CRB1: variants seen among roughly 807,000 people sequenced by gnomAD.
The protein encoded by CRB1 is protein crumbs homolog 1.
CRB1 carries 83 observed loss-of-function variants against 120.0 expected under a neutral mutation model. The ratio of observed to expected loss-of-function variants is 0.69; its 90% CI spans 0.58 to 0.83. The LOEUF (loss-of-function observed/expected upper bound fraction) is 0.83, where lower values mean the gene tolerates loss of function less well. CRB1 is among the 40% of genes least tolerant of loss of function. The pLI, the probability that CRB1 is intolerant of heterozygous loss-of-function variation, is 0.00. For synonymous variants in CRB1, 625 were observed against 612.5 expected, an observed-to-expected ratio of 1.02 and a Z score of -0.30; for missense variants, 1,699 against 1,687.6, an observed-to-expected ratio of 1.01 and a Z score of -0.12.
At chr1:197,398,450 T>C (rs1662886453) in intron 5 of CRB1, among the ~76,000 whole-genome samples, 1 of 151,914 alleles carries the variant, frequency 6.6e-6, no homozygotes. Flanking sequence ...GGAAGGCGGG[T>C]AGGTTGGGAG....
chr1:197,271,896 C>G (rs369452683), intron 1 of CRB1, among the ~76,000 whole-genome samples: 1 of 151,978 alleles, frequency 6.6e-6, no homozygotes, highest in East Asian at 1.9e-4. Flanking sequence ...CTGTTTTAAT[C>G]TACGTTTAAA....
At chr1:197,455,651 A>G (rs1369353588) in intron 11 of CRB1, among the ~76,000 whole-genome samples, 1 of 152,172 alleles carries the variant, frequency 6.6e-6, no homozygotes, top group African/African-American at 2.4e-5. Context: ...TACTATCTGA[A>G]CAATTTTAAA....
chr1:197,226,572 G>A, the CRB1 span, among the ~76,000 whole-genome samples: 1 of 152,034 alleles, frequency 6.6e-6, no homozygotes, highest in South Asian at 2.1e-4. Flanking sequence ...AGGAGGTCAG[G>A]CCTCTGGGCA....
At chr1:197,248,028 C>T in the CRB1 span, among the ~76,000 whole-genome samples, 2 of 151,844 alleles carry the variant, frequency 1.3e-5, no homozygotes, top group Admixed American at 1.3e-4. Context: ...TATTGTGAAA[C>T]TAAAATGATT....
At chr1:197,322,398 G>A (rs1658250911) in intron 1 of CRB1, among the ~76,000 whole-genome samples, 1 of 151,812 alleles carries the variant, frequency 6.6e-6, no homozygotes, top group Non-Finnish European at 1.5e-5. Context: ...AGGAGGCAGA[G>A]GTTGCAGTGA....
rs1656305930 is a variant in CRB1 at position 197,293,267 on chromosome 1, AACAG to A, written c.70+24789_70+24792del. 4.6e-5 allele frequency among the ~76,000 whole-genome samples: 7 copies of A among 152,236 alleles called. No homozygotes were observed. The South Asian group carries it at 1.5e-3, about 32-fold the overall frequency. ...ATCACAAGCATTCTTATACACCAATAACAGACAAACAGAGAGCCAAATCATGAGT... is the reference window on the plus strand; with the variant it reads ...ATCACAAGCATTCTTATACACCAATAACAAACAGAGAGCCAAATCATGAGT... On this transcript the variant is annotated intron_variant, in intron 1 of 11. Transcript: ENST00000367400.
chr1:197,358,419 C>T (rs2125357236), intron 5 of CRB1, among the ~76,000 whole-genome samples: 1 of 152,106 alleles, frequency 6.6e-6, no homozygotes, highest in African/African-American at 2.4e-5. Flanking sequence ...ATGGGTGACC[C>T]CTTGAATCTG....
the CRB1 span, among the ~76,000 whole-genome samples, chr1:197,213,067 AAAT>A: frequency 6.6e-6 from 1 of 152,192 alleles, no homozygotes; most frequent in Non-Finnish European, 1.5e-5. Context: ...ACAAACTTCT[AAAT>A]AACAGTAAAA....
chr1:197,251,901 T>C, the CRB1 span, among the ~76,000 whole-genome samples: 1 of 152,074 alleles, frequency 6.6e-6, no homozygotes, highest in African/African-American at 2.4e-5. Context: ...CTTGTAGTTA[T>C]ATTTTTCCTT....
At chr1:197,320,633 A>G (rs1658134616) in intron 1 of CRB1, among the ~76,000 whole-genome samples, 1 of 152,194 alleles carries the variant, frequency 6.6e-6, no homozygotes, top group South Asian at 2.1e-4. Context: ...GCTTAAATTT[A>G]GTTAAGTAGT....
intron 11 of CRB1, among the ~76,000 whole-genome samples, chr1:197,462,638 A>T (rs1176244143): frequency 2.6e-5 from 4 of 152,178 alleles, no homozygotes; most frequent in African/African-American, 9.6e-5. Context: ...CAAGAGGATT[A>T]GCTGCCTTTT....
intron 5 of CRB1, among the ~76,000 whole-genome samples, chr1:197,369,123 T>A (rs1203339970): frequency 3.9e-5 from 6 of 152,160 alleles, no homozygotes; most frequent in Non-Finnish European, 8.8e-5. Flanking sequence ...TGTTTACTAC[T>A]CATGAGGATG....
chr1:197,349,324 TG>T (rs1659955310), intron 4 of CRB1, among the ~76,000 whole-genome samples: 1 of 152,246 alleles, frequency 6.6e-6, no homozygotes, highest in Admixed American at 6.5e-5. Flanking sequence ...AATTGTGTAA[TG>T]ACTTACTTCT....
At chr1:197,326,163 TG>T (rs1443252965) in intron 1 of CRB1, among the ~76,000 whole-genome samples, 2 of 152,204 alleles carry the variant, frequency 1.3e-5, no homozygotes, top group Non-Finnish European at 2.9e-5. Flanking sequence ...GCTATGGCTT[TG>T]ACAGTTAATA....
At chr1:197,476,477 T>C (rs1253671829) in intron 11 of CRB1, among the ~76,000 whole-genome samples, 1 of 152,034 alleles carries the variant, frequency 6.6e-6, no homozygotes, top group African/African-American at 2.4e-5. Context: ...TTTCATTTCC[T>C]AGCTCAGTAA....
At chr1:197,248,518 C>T in the CRB1 span, among the ~76,000 whole-genome samples, 1 of 151,952 alleles carries the variant, frequency 6.6e-6, no homozygotes, top group Admixed American at 6.6e-5. Flanking sequence ...TACAGAAAAA[C>T]AACTAAAGAA....
At chr1:197,473,878 T>C (rs1387525878) in intron 11 of CRB1, among the ~76,000 whole-genome samples, 1 of 151,008 alleles carries the variant, frequency 6.6e-6, no homozygotes, top group Non-Finnish European at 1.5e-5. Flanking sequence ...CTTTCAACCA[T>C]GGGAATTTAA....
intron 2 of CRB1, among the ~76,000 whole-genome samples, chr1:197,342,379 T>C (rs1178874303): frequency 1.3e-5 from 2 of 152,192 alleles, no homozygotes; most frequent in Non-Finnish European, 2.9e-5. Context: ...ATCTCAAGAA[T>C]GTGTCTGTCA....
chr1:197,355,404 A>T (rs899304853), intron 4 of CRB1, among the ~76,000 whole-genome samples: 7 of 152,332 alleles, frequency 4.6e-5, no homozygotes, highest in Admixed American at 4.6e-4. Flanking sequence ...GGCACTCCTC[A>T]GCCCTTGGGC....
Sources: gnomAD v4.1 joint callset for allele counts (sites outside exome capture counted in the v4.1 genomes callset) on GRCh38, gnomAD v4.1.1 for gene constraint, MANE v1.5 for transcripts, NCBI Gene and HGNC (gene_info 2026-07-23, HGNC 2026-07-21) for gene names.